RASGRF1: variants seen among roughly 807,000 people sequenced by gnomAD.
RASGRF1 encodes ras-specific guanine nucleotide-releasing factor 1.
RASGRF1 carries 40 observed loss-of-function variants against 138.7 expected under a neutral mutation model. The ratio of observed to expected loss-of-function variants is 0.29; its 90% CI spans 0.22 to 0.38. The LOEUF (loss-of-function observed/expected upper bound fraction) is 0.38, where lower values mean the gene tolerates loss of function less well. Ranked by LOEUF, RASGRF1 falls within the 10% of genes least tolerant of loss-of-function variation. RASGRF1 has a pLI of 1.00. For missense variants in RASGRF1, 1,108 were observed against 1,650.4 expected (o/e 0.67, Z 5.69); for synonymous variants, 614 against 663.2 (o/e 0.93, Z 1.14).
At chr15:79,083,243 A>G (rs1380313344) in intron 1 of RASGRF1, among the ~76,000 whole-genome samples, 2 of 152,238 alleles carry the variant, frequency 1.3e-5, no homozygotes, top group African/African-American at 4.8e-5. Context: ...TCGGGGACAG[A>G]GAGTGGGGGT....
intron 1 of RASGRF1, among the ~76,000 whole-genome samples, chr15:79,084,665 A>C (rs1198760185): frequency 1.3e-5 from 2 of 152,116 alleles, no homozygotes; most frequent in Admixed American, 1.3e-4. Flanking sequence ...ACCATACTAG[A>C]GGGTGGGGGC....
rs146384183 is a variant in RASGRF1 at position 79,038,914 on chromosome 15, C to T, written c.879-3704G>A. Among the ~76,000 whole-genome samples the T allele has an allele frequency of 4.6e-4, 70 of 152,304 alleles. No individual in the cohort carries two copies. In the East Asian group the frequency reaches 0.011, roughly 23 times the overall value. On this transcript the variant is annotated intron_variant, in intron 5 of 26. Coordinates refer to ENST00000558480, the MANE Select transcript of RASGRF1 (RefSeq NM_001145648.3). Reference sequence around the variant, plus strand: ...GTACGATATGAATAAGGGAGATAGACATAGCCTTTCCCTCAGTTTGGTTAG... The same window carrying T: ...GTACGATATGAATAAGGGAGATAGATATAGCCTTTCCCTCAGTTTGGTTAG...
At chr15:79,053,140 C>T (rs539714121) in intron 3 of RASGRF1, among the ~76,000 whole-genome samples, 1 of 152,124 alleles carries the variant, frequency 6.6e-6, no homozygotes, top group East Asian at 1.9e-4. Context: ...TGGCGCACAC[C>T]TGTAATACCA....
chr15:79,079,494 G>C (rs1329579586), intron 1 of RASGRF1, among the ~76,000 whole-genome samples: 1 of 151,490 alleles, frequency 6.6e-6, no homozygotes, highest in Non-Finnish European at 1.5e-5. Context: ...CCACACCATG[G>C]AATACTATAG....
chr15:79,078,246 C>T (rs1415118675), intron 1 of RASGRF1, among the ~76,000 whole-genome samples: 5 of 151,974 alleles, frequency 3.3e-5, no homozygotes, highest in South Asian at 2.1e-4. Flanking sequence ...TAGGCCCCCC[C>T]GGCCCCACCC....
chr15:79,025,201 C>G, intron 10 of RASGRF1, 113 bp downstream of exon 10: 1 of 1,234,492 alleles, frequency 8.1e-7, no homozygotes, highest in Non-Finnish European at 1.1e-6. Context: ...TGTGTGCATG[C>G]ACACGTCTCT....
Position 79,006,519 on chromosome 15 carries a change from C to G in RASGRF1, c.1827-85G>C. ...ACCAGGCCTGCTCATCACTGCTTCC[C>G]CCACACACTGACAACACAGGATGGT... On this transcript the variant is annotated intron_variant, in intron 13 of 26. Transcript: ENST00000558480. The surrounding 1 kb of genome is among the most constrained non-coding windows in gnomAD (Gnocchi z 4.0). 1 of 1,470,294 alleles carries G rather than the reference C, an allele frequency of 6.8e-7. No homozygotes were observed. Among genetic ancestry groups the G allele is most frequent in the Non-Finnish European group, 9.2e-7 (1 of 1,085,550 alleles). The allele number at this position is 1,470,294 out of a possible 1,614,324, so 91.1% of individuals were successfully genotyped here.
At chr15:79,045,710 A>G (rs1173523697) in intron 5 of RASGRF1, among the ~76,000 whole-genome samples, 1 of 152,144 alleles carries the variant, frequency 6.6e-6, no homozygotes, top group Non-Finnish European at 1.5e-5. Context: ...CTGACTCACA[A>G]CCTCATACAT....
chr15:79,070,318 T>C (rs2057738354), intron 1 of RASGRF1, among the ~76,000 whole-genome samples: 1 of 152,194 alleles, frequency 6.6e-6, no homozygotes. Context: ...GCAGCTCCCC[T>C]GACGGGGACA....
At chr15:79,001,184 C>G (rs11631671) in intron 16 of RASGRF1, among the ~76,000 whole-genome samples, 3 of 151,844 alleles carry the variant, frequency 2.0e-5, no homozygotes, top group Non-Finnish European at 4.4e-5. Flanking sequence ...TTTTGCAAAG[C>G]TGTCAAGATG....
At chr15:79,004,920 A>T in intron 14 of RASGRF1, 1 of 981,770 alleles carries the variant, frequency 1.0e-6, no homozygotes, top group Non-Finnish European at 1.2e-6. Context: ...CAGGTAGGAA[A>T]CTGAGTCTCA....
At chr15:79,043,691 C>T (rs1289472905) in intron 5 of RASGRF1, among the ~76,000 whole-genome samples, 1 of 152,124 alleles carries the variant, frequency 6.6e-6, no homozygotes, top group African/African-American at 2.4e-5. Flanking sequence ...AAGTGGCTAC[C>T]TGGGGAGATG....
chr15:78,971,950 A>T lies in RASGRF1; in HGVS notation c.3613-16T>A. On this transcript the variant is annotated splice_polypyrimidine_tract_variant and intron_variant, in intron 25 of 26. Transcript: ENST00000558480. Reference sequence around the variant, plus strand: ...TATGGGATATCTGTGGGAAGGAAGGAGTGTTTCAGAATGCAGTTTGCTCTC... The same window carrying T: ...TATGGGATATCTGTGGGAAGGAAGGTGTGTTTCAGAATGCAGTTTGCTCTC... The T allele has an allele frequency of 6.4e-7, 1 of 1,562,026 alleles. No homozygotes were observed.
intron 17 of RASGRF1, among the ~76,000 whole-genome samples, chr15:78,999,191 G>T (rs1435121902): frequency 1.3e-5 from 2 of 152,182 alleles, no homozygotes; most frequent in Non-Finnish European, 2.9e-5. Flanking sequence ...GGAGGTGGGA[G>T]CATGGCGGGA....
At chr15:79,010,027 T>TG (rs2056763310) in intron 13 of RASGRF1, among the ~76,000 whole-genome samples, 1 of 146,288 alleles carries the variant, frequency 6.8e-6, no homozygotes, top group Non-Finnish European at 1.5e-5. Context: ...CCAGCCTCTT[T>TG]GTTTGTTTTT....
intron 3 of RASGRF1, among the ~76,000 whole-genome samples, chr15:79,051,368 C>T (rs547241251): frequency 2.7e-4 from 41 of 152,132 alleles, no homozygotes; most frequent in African/African-American, 9.4e-4. Context: ...TTCTCCCCAC[C>T]CCCTCCCCCT....
rs1223306581 is a variant in RASGRF1 at position 79,046,015 on chromosome 15, A to G, written c.878+731T>C. Among the ~76,000 whole-genome samples the G allele has an allele frequency of 6.6e-6, 1 of 152,242 alleles. No homozygotes were observed. Among genetic ancestry groups the G allele is most frequent in the Non-Finnish European group, 1.5e-5 (1 of 68,048 alleles). On this transcript the variant is annotated intron_variant, in intron 5 of 26. Transcript: ENST00000558480. The surrounding 1 kb of genome is among the most constrained non-coding windows in gnomAD (Gnocchi z 5.3). ...AGTTTATACAATTTTATCACCAACC[A>G]GAAAGCTCATTTAAACCATTTCCTT...
At chr15:78,970,478 C>T (rs888489732) in intron 26 of RASGRF1, among the ~76,000 whole-genome samples, 9 of 151,098 alleles carry the variant, frequency 6.0e-5, no homozygotes, top group Admixed American at 1.3e-4. Flanking sequence ...CAGGGCTTCC[C>T]ATGGTCCTAA....
At chr15:79,061,421 T>TATATATATCA (rs1330755365) in intron 2 of RASGRF1, among the ~76,000 whole-genome samples, 3 of 146,268 alleles carry the variant, frequency 2.1e-5, no homozygotes, top group African/African-American at 5.0e-5. Flanking sequence ...AAAATATATA[T>TATATATATCA]ATATATATAT....
Sources: allele counts gnomAD v4.1 joint callset (sites outside exome capture counted in the v4.1 genomes callset), GRCh38; gene constraint gnomAD v4.1.1; non-coding constraint Gnocchi (gnomAD v3.1); transcripts MANE v1.5; gene names NCBI Gene and HGNC (gene_info 2026-07-23, HGNC 2026-07-21).